The following LRRC37A2 variants were observed in gnomAD, a reference collection of about 807,000 sequenced individuals.
LRRC37A2 encodes the protein leucine rich repeat containing 37 member A2.
Under a neutral mutation model 68.8 loss-of-function variants are expected in LRRC37A2, and 9 were observed. That is an observed-to-expected ratio of 0.13 (90% CI 0.08 to 0.23). The LOEUF is 0.23. LRRC37A2 is among the 10% of genes least tolerant of loss of function. The pLI, the probability that LRRC37A2 is intolerant of heterozygous loss-of-function variation, is 1.00. For synonymous variants in LRRC37A2, 63 were observed against 367.6 expected (o/e 0.17, Z 9.48); for missense variants, 168 against 950.4 (o/e 0.18, Z 10.82).
At chr17:46,859,654 C>T in the LRRC37A2 span, among the ~76,000 whole-genome samples, 19 of 152,158 alleles carry the variant, frequency 1.2e-4, no homozygotes, top group Admixed American at 9.2e-4. Flanking sequence ...ACTATTTTTT[C>T]GAAATTGCAT....
the LRRC37A2 span, chr17:46,833,309 G>A: frequency 3.8e-3 from 1,943 of 506,792 alleles, 36 homozygotes; most frequent in African/African-American, 0.032. Flanking sequence ...CCCACTGAAA[G>A]CAAGCTGCAA....
chr17:46,815,775 G>A, the LRRC37A2 span, among the ~76,000 whole-genome samples: 1 of 152,130 alleles, frequency 6.6e-6, no homozygotes, highest in African/African-American at 2.4e-5. Context: ...TGCCATCCCT[G>A]GCCAGCTGTG....
At chr17:47,037,633 T>G in the LRRC37A2 span, among the ~76,000 whole-genome samples, 1 of 152,198 alleles carries the variant, frequency 6.6e-6, no homozygotes, top group African/African-American at 2.4e-5. Context: ...ATCACCCTCA[T>G]AGAATAAGTT....
At chr17:46,870,904 C>CTTTTTTTTTTTTTTTTTTTTTT in the LRRC37A2 span, among the ~76,000 whole-genome samples, 2 of 78,388 alleles carry the variant, frequency 2.6e-5, no homozygotes, top group African/African-American at 1.0e-4. Flanking sequence ...TCCACCTTTG[C>CTTTTTTTTTTTTTTTTTTTTTT]TTTTTTTTTT....
the LRRC37A2 span, among the ~76,000 whole-genome samples, chr17:46,721,032 G>C: frequency 6.6e-6 from 1 of 152,206 alleles, no homozygotes; most frequent in Non-Finnish European, 1.5e-5. Flanking sequence ...CCAGGAGTGG[G>C]CTCTGGGACT....
the LRRC37A2 span, among the ~76,000 whole-genome samples, chr17:46,862,605 C>T: frequency 6.6e-6 from 1 of 152,028 alleles, no homozygotes; most frequent in Non-Finnish European, 1.5e-5. Context: ...TTTTTTGAGA[C>T]GGAGTCTTGC....
chr17:46,552,465 AGGT>A (rs1265146990), intron 11 of LRRC37A2: 2 of 34,608 alleles, frequency 5.8e-5, no homozygotes, highest in Non-Finnish European at 1.1e-4. Flanking sequence ...CGTAGAGACA[AGGT>A]CTTGCTATGT....
the LRRC37A2 span, among the ~76,000 whole-genome samples, chr17:46,456,234 G>C: frequency 8.8e-6 from 1 of 114,030 alleles, no homozygotes; most frequent in African/African-American, 3.1e-5. Flanking sequence ...GTGTGTGTGT[G>C]TGTGTGTGTG....
At chr17:46,499,056 T>A in the LRRC37A2 span, among the ~76,000 whole-genome samples, 9 of 149,140 alleles carry the variant, frequency 6.0e-5, no homozygotes, top group African/African-American at 2.3e-4. Flanking sequence ...GGCTCACGCC[T>A]GTAATCCCAG....
chr17:46,876,957 G>A, the LRRC37A2 span: 3 of 1,309,568 alleles, frequency 2.3e-6, no homozygotes, highest in African/African-American at 4.4e-5. Context: ...CCTTGTTGAG[G>A]ACTTGGAGAG....
the LRRC37A2 span, among the ~76,000 whole-genome samples, chr17:46,829,181 T>G: frequency 6.6e-6 from 1 of 152,192 alleles, no homozygotes; most frequent in Non-Finnish European, 1.5e-5. Context: ...TCAATTTTTT[T>G]TTTTAGACAG....
the LRRC37A2 span, among the ~76,000 whole-genome samples, chr17:46,901,794 G>A: frequency 2.0e-5 from 3 of 149,504 alleles, no homozygotes; most frequent in Non-Finnish European, 2.9e-5. Context: ...TGGGCTAAAT[G>A]GAGCAAGAAT....
chr17:46,492,684 GTTTTGTTTTTTTTTT>G, the LRRC37A2 span, among the ~76,000 whole-genome samples: 3 of 127,850 alleles, frequency 2.3e-5, no homozygotes, highest in Non-Finnish European at 1.6e-5. Context: ...TCAGGGTTTT[GTTTTGTTTTTTTTTT>G]TTTTTTTTTT....
the LRRC37A2 span, among the ~76,000 whole-genome samples, chr17:46,845,040 G>T: frequency 1.3e-5 from 2 of 152,228 alleles, no homozygotes; most frequent in Middle Eastern, 3.4e-3. Flanking sequence ...GTAGAGATGG[G>T]GTTTCACCAT....
chr17:46,530,627 T>TTA (rs1163480776), intron 6 of LRRC37A2, among the ~76,000 whole-genome samples: 1 of 65,800 alleles, frequency 1.5e-5, no homozygotes, highest in Non-Finnish European at 3.3e-5. Context: ...CTTCTTTGTG[T>TTA]TACATTGAGA....
chr17:46,752,489 T>C, the LRRC37A2 span, among the ~76,000 whole-genome samples: 1 of 152,194 alleles, frequency 6.6e-6, no homozygotes, highest in Non-Finnish European at 1.5e-5. Context: ...AGGGTCTCGC[T>C]CTGTCTCCCA....
chr17:46,978,235 A>G, the LRRC37A2 span: 173 of 215,958 alleles, frequency 8.0e-4, 1 homozygote, highest in East Asian at 0.017. Flanking sequence ...CAACAAGCTC[A>G]GCGACTCTGA....
the LRRC37A2 span, chr17:46,952,597 T>C: frequency 6.6e-6 from 1 of 152,168 alleles, no homozygotes; most frequent in Non-Finnish European, 1.5e-5. Context: ...GGAACATGGC[T>C]CCTTTAGTCC....
chr17:46,404,784 A>G, the LRRC37A2 span, among the ~76,000 whole-genome samples: 16,359 of 84,670 alleles, frequency 0.19, 5,044 homozygotes, highest in Non-Finnish European at 0.28. Flanking sequence ...GCAGGAGAAT[A>G]GCGTGAACCC....
Sources: allele counts gnomAD v4.1 joint callset (sites outside exome capture counted in the v4.1 genomes callset), GRCh38; gene constraint gnomAD v4.1.1; transcripts MANE v1.5; gene names NCBI Gene and HGNC (gene_info 2026-07-23, HGNC 2026-07-21).